The following WASHC4 variants were observed in gnomAD, a reference collection of about 807,000 sequenced individuals.
WASHC4 encodes the protein WASH complex subunit 7.
A neutral mutation model predicts 166.6 loss-of-function variants in WASHC4; 86 were observed. The ratio of observed to expected loss-of-function variants is 0.52; its 90% CI spans 0.43 to 0.62. The LOEUF is 0.62. Among genes scored for constraint, WASHC4 ranks in the 20% least tolerant of loss-of-function variants. The pLI, the probability that WASHC4 is intolerant of heterozygous loss-of-function variation, is 0.00. For synonymous variants in WASHC4, 446 were observed against 451.6 expected, an observed-to-expected ratio of 0.99 and a Z score of 0.16; for missense variants, 1,262 against 1,382.4, an observed-to-expected ratio of 0.91 and a Z score of 1.38.
At chr12:105,135,475 A>C (rs549969476) in intron 14 of WASHC4, among the ~76,000 whole-genome samples, 1 of 151,532 alleles carries the variant, frequency 6.6e-6, no homozygotes, top group Non-Finnish European at 1.5e-5. Context: ...TAAGAAGTCA[A>C]CTGTAGGTTT....
In WASHC4 at chr12:105,164,211, A is replaced by G; in HGVS notation, c.3258A>G (p.Ala1086=). The change falls in exon 31 of 33, where the codon GCA becomes GCG. Residue 1086 remains alanine, a synonymous_variant. Transcript: ENST00000332180. ...VREKYLKEIR[A]VAKQQNVQSA... ...AGAAATACCTGAAGGAGATAAGAGC[A>G]GTTGCTAAGCAACAGAATGTACAGT... 2 of 1,613,962 alleles carry G rather than the reference A, an allele frequency of 1.2e-6. No homozygotes were observed. Among genetic ancestry groups the G allele is most frequent in the Non-Finnish European group, 8.5e-7 (1 of 1,179,846 alleles).
At chr12:105,114,964 G>A (rs1880043599) in intron 4 of WASHC4, among the ~76,000 whole-genome samples, 1 of 151,950 alleles carries the variant, frequency 6.6e-6, no homozygotes, top group African/African-American at 2.4e-5. Context: ...CAGATAAGAT[G>A]AAGTAAAGGC....
chr12:105,114,287 T>C lies in WASHC4; in HGVS notation c.255+18T>C. 1.2e-6 allele frequency: 2 copies of C among 1,606,046 alleles called. No individual in the cohort carries two copies. Among genetic ancestry groups the C allele is most frequent in the Non-Finnish European group, 1.7e-6 (2 of 1,174,680 alleles). ...AAAACAAGGTACAGAATCCTAAATCTAAAAAATTGTTTTAAAAATGTTTTA... is the reference window on the plus strand; with the variant it reads ...AAAACAAGGTACAGAATCCTAAATCCAAAAAATTGTTTTAAAAATGTTTTA... On this transcript the variant is annotated intron_variant, in intron 3 of 32. Coordinates refer to ENST00000332180, the MANE Select transcript of WASHC4 (RefSeq NM_015275.3).
At chr12:105,119,971 C>A (rs978530984) in intron 7 of WASHC4, among the ~76,000 whole-genome samples, 1 of 152,152 alleles carries the variant, frequency 6.6e-6, no homozygotes, top group Non-Finnish European at 1.5e-5. Context: ...TGGCTCATGC[C>A]TGTAATCCCA....
chr12:105,110,308 A>G (rs907430326), intron 1 of WASHC4, among the ~76,000 whole-genome samples: 1 of 152,210 alleles, frequency 6.6e-6, no homozygotes, highest in Admixed American at 6.5e-5. Flanking sequence ...CTTTTTTAGA[A>G]GACAAAGGTT....
intron 7 of WASHC4, among the ~76,000 whole-genome samples, chr12:105,119,506 A>G (rs1302399562): frequency 1.6e-4 from 24 of 152,160 alleles, no homozygotes; most frequent in Non-Finnish European, 7.4e-5. Flanking sequence ...CATGCTGCAT[A>G]TAAACTCTTT....
At chr12:105,133,301 A>G (rs1882025506) in intron 13 of WASHC4, among the ~76,000 whole-genome samples, 1 of 152,220 alleles carries the variant, frequency 6.6e-6, no homozygotes, top group South Asian at 2.1e-4. Context: ...CTTCTCGTAT[A>G]TTTGCATGAA....
At chr12:105,152,072 C>G (rs1186738824) in intron 25 of WASHC4, among the ~76,000 whole-genome samples, 2 of 151,988 alleles carry the variant, frequency 1.3e-5, no homozygotes, top group Non-Finnish European at 2.9e-5. Context: ...TTTCTTTTTT[C>G]TGTTAGAGTT....
chr12:105,164,732 A>G lies in WASHC4; in HGVS notation c.3446A>G (p.Glu1149Gly). The change falls in exon 32 of 33, where the codon GAG becomes GGG. Residue 1149 changes from glutamate (E) to glycine (G), a missense_variant. Coordinates refer to ENST00000332180, the MANE Select transcript of WASHC4 (RefSeq NM_015275.3). Reference sequence around the variant, plus strand: ...GCTGAAGAAAACCAAGAAAAGAAAGAGAAGGAAGGTCAGTGAGTGGTTTAA... The same window carrying G: ...GCTGAAGAAAACCAAGAAAAGAAAGGGAAGGAAGGTCAGTGAGTGGTTTAA... ...TAAEENQEKK[E>G]KEEETKTSNG... 1 of 1,611,246 alleles carries G rather than the reference A, an allele frequency of 6.2e-7. No homozygotes were observed. The highest frequency in any genetic ancestry group is 8.5e-7 in the Non-Finnish European group (1 of 1,177,986).
In WASHC4 at chr12:105,140,963, T is replaced by C; in HGVS notation, c.1625T>C (p.Leu542Ser). The stretch of plus-strand genomic sequence containing the variant: ...CTTGATGTGCTCTCTGCTCTAGTTT[T>C]GGCTGAAAACACTCTAAATGGACCA... ...QRLDVLSALV[L>S]AENTLNGPST... Residue 542 changes from leucine (L) to serine (S), a missense_variant, in exon 17 of 33, where the codon TTG becomes TCG. Transcript: ENST00000332180. The C allele has an allele frequency of 6.2e-7, 1 of 1,614,204 alleles. No homozygotes were observed. Among genetic ancestry groups the C allele is most frequent in the South Asian group, 1.1e-5 (1 of 91,084 alleles).
rs1245713696 is a variant in WASHC4, at chr12:105,156,042, GAAAAGT to G, written c.2759-683_2759-678del. 2.6e-5 allele frequency among the ~76,000 whole-genome samples: 4 copies of G among 152,154 alleles called. No homozygotes were observed. In the East Asian group the frequency reaches 7.7e-4, roughly 29 times the overall value. ...GGAGGATATCTATGAAGGGGTGAAT[GAAAAGT>G]GGGTGGATTCTGGCTACGTTTTCAA... On this transcript the variant is annotated intron_variant, in intron 26 of 32. Coordinates refer to ENST00000332180, the MANE Select transcript of WASHC4 (RefSeq NM_015275.3).
At chr12:105,125,908 G>C in intron 10 of WASHC4, 96 bp from the exon 11 acceptor site, 1 of 1,187,072 alleles carries the variant, frequency 8.4e-7, no homozygotes, top group South Asian at 1.4e-5. Context: ...GATGAATATA[G>C]AAATTTATCA....
At chr12:105,115,766 A>C in intron 6 of WASHC4, 38 bp downstream of exon 6, 11 of 1,334,946 alleles carry the variant, frequency 8.2e-6, no homozygotes, top group Non-Finnish European at 1.2e-5. Context: ...TTTTACTTCA[A>C]AAAGTTTGAG....
In WASHC4 at chr12:105,114,202, C is replaced by T. The variant is rs1320303890; in HGVS notation, c.202-14C>T. 2 of 1,604,672 alleles carry T rather than the reference C, an allele frequency of 1.2e-6. No homozygotes were observed. Among genetic ancestry groups the T allele is most frequent in the Non-Finnish European group, 1.7e-6 (2 of 1,173,746 alleles). ...TCAAATTAAAAGAAATGTTCTTTTC[C>T]TTTGTTTCTGTAGCTTTTGCCTTAT... On this transcript the variant is annotated splice_polypyrimidine_tract_variant and intron_variant, in intron 2 of 32. Coordinates refer to ENST00000332180, the MANE Select transcript of WASHC4 (RefSeq NM_015275.3).
chr12:105,157,539 T>C (rs1054033266), intron 28 of WASHC4, among the ~76,000 whole-genome samples: 1 of 152,222 alleles, frequency 6.6e-6, no homozygotes, highest in African/African-American at 2.4e-5. Context: ...CACATGGCTC[T>C]TGAGCACCTA....
At chr12:105,132,496 G>A (rs538287748) in intron 13 of WASHC4, among the ~76,000 whole-genome samples, 1 of 152,312 alleles carries the variant, frequency 6.6e-6, no homozygotes, top group East Asian at 1.9e-4. Flanking sequence ...TTAAAGAAAA[G>A]TATAGCTTAA....
Position 105,111,146 on chromosome 12 carries a change from T to A in WASHC4, c.83T>A (p.Leu28His). Residue 28 changes from leucine to histidine, a missense_variant, in exon 2 of 33, where the codon CTT becomes CAT. Leu to His is a moderately conservative substitution (Grantham distance 99). Coordinates refer to ENST00000332180, the MANE Select transcript of WASHC4 (RefSeq NM_015275.3). ...TTAGAAATTCATGCCGAAGTCCAAC[T>A]TAAGAATTATGGGAAATTTCTTGAG... is the stretch of plus-strand genomic sequence containing the variant. Reference protein sequence around the residue: ...GSQKIHAEVQLKNYGKFLEEY... With the variant: ...GSQKIHAEVQHKNYGKFLEEY... 6.2e-7 allele frequency: 1 copy of A among 1,607,374 alleles called. No individual in the cohort carries two copies. The highest frequency in any genetic ancestry group is 8.5e-7 in the Non-Finnish European group (1 of 1,174,606).
intron 2 of WASHC4, among the ~76,000 whole-genome samples, chr12:105,111,935 T>C (rs774745140): frequency 1.3e-5 from 2 of 152,218 alleles, no homozygotes; most frequent in Non-Finnish European, 2.9e-5. Flanking sequence ...TTAAATTGTA[T>C]AATTCAGTTG....
At chr12:105,120,521 A>G in intron 7 of WASHC4, 34 bp from the exon 8 acceptor site, 2 of 1,309,978 alleles carry the variant, frequency 1.5e-6, no homozygotes, top group Non-Finnish European at 2.2e-6. Flanking sequence ...ACAAAAAGGA[A>G]GTTTTTTTTA....
Sources: allele counts gnomAD v4.1 joint callset (sites outside exome capture counted in the v4.1 genomes callset), GRCh38; gene constraint gnomAD v4.1.1; transcripts MANE v1.5; gene names NCBI Gene and HGNC (gene_info 2026-07-23, HGNC 2026-07-21).